GBP3: variants seen among roughly 807,000 people sequenced by gnomAD.
GBP3 encodes the protein guanylate-binding protein 3.
GBP3 carries 55 observed loss-of-function variants against 62.4 expected under a neutral mutation model. That is an observed-to-expected ratio of 0.88 (90% confidence interval 0.71 to 1.10). The LOEUF (loss-of-function observed/expected upper bound fraction) is 1.10, where lower values mean the gene tolerates loss of function less well. Among genes scored for constraint, GBP3 ranks in the 50% least tolerant of loss-of-function variants. The pLI, the probability that GBP3 is intolerant of heterozygous loss-of-function variation, is 0.00. For missense variants in GBP3, 605 were observed against 690.6 expected, an observed-to-expected ratio of 0.88 and a Z score of 1.39; for synonymous variants, 208 against 259.2, an observed-to-expected ratio of 0.80 and a Z score of 1.90.
At chr1:89,016,162 G>C (rs918758648) in intron 2 of GBP3, among the ~76,000 whole-genome samples, 4 of 152,150 alleles carry the variant, frequency 2.6e-5, no homozygotes, top group African/African-American at 7.2e-5. Flanking sequence ...ATCCACAAAG[G>C]AAATTTTGAA....
chr1:89,013,049 G>T, intron 6 of GBP3, 136 bp downstream of exon 6: 1 of 895,602 alleles, frequency 1.1e-6, no homozygotes, highest in South Asian at 1.7e-5. Context: ...TGTGGGCTAG[G>T]TTGGTCTCAA....
rs1357356781 is a variant in GBP3 at position 89,013,388 on chromosome 1, A to G, written c.665T>C (p.Leu222Pro). Reference protein sequence around the residue: ...QKDKNFNLPRLCIRKFFPKKK... With the variant: ...QKDKNFNLPRPCIRKFFPKKK... Reference sequence around the variant, plus strand: ...CTTTGGGAAGAACTTCCGGATACAGAGTCGGGGCAGATTAAAATTTTTATC... The same window carrying G: ...CTTTGGGAAGAACTTCCGGATACAGGGTCGGGGCAGATTAAAATTTTTATC... The change falls in exon 6 of 11, where the codon CTC (leucine) becomes CCC (proline). Residue 222 changes from leucine to proline, a missense_variant. Around this residue, in one of 3 missense-constraint regions of GBP3, gnomAD observed 308 missense variants for 318.0 expected, o/e 0.97. Coordinates refer to ENST00000370481, the MANE Select transcript of GBP3 (RefSeq NM_018284.3). The G allele has an allele frequency of 6.2e-7, 1 of 1,613,016 alleles. No individual in the cohort carries two copies. The highest frequency in any genetic ancestry group is 8.5e-7 in the Non-Finnish European group (1 of 1,179,754).
rs3065858 is a variant in GBP3 at position 89,010,124 on chromosome 1, ATTT to A, written c.1363-633_1363-631del. Among the ~76,000 whole-genome samples the A allele has an allele frequency of 2.9e-3, 420 of 144,512 alleles. 1 individual carries two copies. Among genetic ancestry groups the A allele is most frequent in the African/African-American group, 7.6e-3 (299 of 39,392 alleles). 94.8% of individuals were successfully genotyped at this position (144,512 alleles called of 152,430 possible). On this transcript the variant is annotated intron_variant, in intron 8 of 10. Coordinates refer to ENST00000370481, the MANE Select transcript of GBP3 (RefSeq NM_018284.3). The stretch of plus-strand genomic sequence containing the variant: ...ACTGCACTCTCTAATTAATTAACTA[ATTT>A]TTTTTTTTTTTTTGAGACAGAGTCT...
intron 1 of GBP3, among the ~76,000 whole-genome samples, chr1:89,021,539 CA>C (rs1557734686): frequency 1.1e-4 from 16 of 145,490 alleles, no homozygotes; most frequent in East Asian, 6.0e-4. Flanking sequence ...CACACACACA[CA>C]CACACCCCAA....
In GBP3 at chr1:89,007,023, A is replaced by G. The variant is rs1302491117; in HGVS notation, c.*701T>C. ...ATGTTATACATTACTAAAATTACAC[A>G]GTGCATAATTGTTACCATGTGACTA... On this transcript the variant is annotated 3_prime_UTR_variant, in exon 11 of 11. Coordinates refer to ENST00000370481, the MANE Select transcript of GBP3 (RefSeq NM_018284.3). The G allele has an allele frequency of 6.6e-6, 1 of 152,262 alleles. No homozygotes were observed. Among genetic ancestry groups the G allele is most frequent in the Non-Finnish European group, 1.5e-5 (1 of 68,042 alleles). The allele number at this position is 152,262 out of a possible 1,614,324, so 9.4% of individuals were successfully genotyped here.
chr1:89,022,039 CCT>C (rs1241879439), intron 1 of GBP3, among the ~76,000 whole-genome samples: 3 of 120,706 alleles, frequency 2.5e-5, no homozygotes, highest in Non-Finnish European at 3.7e-5. Context: ...AGGCCACCGC[CCT>C]CTCTCTCTCT....
rs112451296 is a variant in GBP3 at position 89,011,608 on chromosome 1, A to G, written c.1149+139T>C. ...GTAATAAAATTGTTTTTGTCTGATT[A>G]TTATGATTACCAAGAACTAGTTGTC... On this transcript the variant is annotated intron_variant, in intron 7 of 10. Transcript: ENST00000370481. 6.4e-6 allele frequency: 7 copies of G among 1,085,278 alleles called. No individual in the cohort carries two copies. In the African/African-American group the frequency reaches 8.9e-5, roughly 14 times the overall value. The allele number at this position is 1,085,278 out of a possible 1,614,324, so 67.2% of individuals were successfully genotyped here.
At chr1:89,012,332 G>A (rs1338299217) in intron 6 of GBP3, among the ~76,000 whole-genome samples, 1 of 139,050 alleles carries the variant, frequency 7.2e-6, no homozygotes, top group Non-Finnish European at 1.7e-5. Flanking sequence ...AGCACCATCA[G>A]GAAAGGAACC....
At chr1:89,015,167 C>A in intron 3 of GBP3, 120 bp downstream of exon 3, 1 of 1,050,402 alleles carries the variant, frequency 9.5e-7, no homozygotes, top group South Asian at 1.8e-5. Context: ...ATGACATGTA[C>A]ACAGAAATGA....
chr1:89,020,877 T>A, intron 1 of GBP3, 134 bp from the exon 2 acceptor site: 1 of 677,308 alleles, frequency 1.5e-6, no homozygotes, highest in East Asian at 2.7e-5. Context: ...GTGTATCATT[T>A]TAAAAAATTA....
At chr1:89,014,515 C>T in intron 4 of GBP3, 32 bp downstream of exon 4, 2 of 1,614,034 alleles carry the variant, frequency 1.2e-6, no homozygotes, top group Non-Finnish European at 1.7e-6. Context: ...TCCCCTCTGA[C>T]CTTGGTGCTG....
chr1:89,008,832 G>C (rs1389805039), intron 10 of GBP3, 115 bp downstream of exon 10: 1 of 1,533,134 alleles, frequency 6.5e-7, no homozygotes, highest in Non-Finnish European at 8.8e-7. Flanking sequence ...AAGTACAAGT[G>C]AGCAAGCAAA....
At chr1:89,017,935 C>T (rs1678975184) in intron 2 of GBP3, among the ~76,000 whole-genome samples, 1 of 151,934 alleles carries the variant, frequency 6.6e-6, no homozygotes, top group South Asian at 2.1e-4. Context: ...AAAACTGAGC[C>T]ATGCATGGTG....
rs1679323740 is a variant in GBP3, at chr1:89,022,850, C to T, written c.-189G>A. The T allele has an allele frequency of 1.3e-5, 2 of 152,114 alleles. No homozygotes were observed. Among genetic ancestry groups the T allele is most frequent in the South Asian group, 2.1e-4 (1 of 4,828 alleles). The allele number at this position is 152,114 out of a possible 1,614,324, so 9.4% of individuals were successfully genotyped here. A position where few individuals can be genotyped will look rare whatever the true frequency, so the allele number is the denominator to read the frequency against. ...GCAACCTTTGTAATGGCTTCAGAGCCTAATGAAACTGAAAGTACTTCTTTC... is the reference window on the plus strand; with the variant it reads ...GCAACCTTTGTAATGGCTTCAGAGCTTAATGAAACTGAAAGTACTTCTTTC... On this transcript the variant is annotated 5_prime_UTR_variant, in exon 1 of 11. Transcript: ENST00000370481.
chr1:89,007,853 C>G lies in GBP3; in HGVS notation c.1660-1G>C. 1 of 1,608,888 alleles carries G rather than the reference C, an allele frequency of 6.2e-7. No homozygotes were observed. The highest frequency in any genetic ancestry group is 8.5e-7 in the Non-Finnish European group (1 of 1,178,266). On this transcript the variant is annotated splice_acceptor_variant, in intron 10 of 10. Coordinates refer to ENST00000370481, the MANE Select transcript of GBP3 (RefSeq NM_018284.3). LOFTEE classifies it high-confidence loss of function. ...TCTCCTTTAGTACTCGGGCCTGTTCCTAAAAAGGGACAAATGGAGGCTAAA... is the reference window on the plus strand; with the variant it reads ...TCTCCTTTAGTACTCGGGCCTGTTCGTAAAAAGGGACAAATGGAGGCTAAA...
rs531452477 is a variant in GBP3, at chr1:89,020,741, T to C, written c.-20A>G. 3 of 1,608,300 alleles carry C rather than the reference T, an allele frequency of 1.9e-6. No homozygotes were observed. Among genetic ancestry groups the C allele is most frequent in the East Asian group, 4.5e-5 (2 of 44,764 alleles). ...AGCCATGTCCAGGGCATTGTTCTCT[T>C]GTCTGCAAGGGAAGAGTTGGAATGA... is the stretch of plus-strand genomic sequence containing the variant. On this transcript the variant is annotated splice_region_variant and 5_prime_UTR_variant, in exon 2 of 11. Transcript: ENST00000370481.
rs1445574100 is a variant in GBP3 at position 89,021,508 on chromosome 1, GCGCACA to G, written c.-22-771_-22-766del. ...TGCTAAGAAACACGCATGCGCGCGCGCGCACACACACACACACACACACACACACAC... is the reference window on the plus strand; with the variant it reads ...TGCTAAGAAACACGCATGCGCGCGCGCACACACACACACACACACACACAC... On this transcript the variant is annotated intron_variant, in intron 1 of 10. Coordinates refer to ENST00000370481, the MANE Select transcript of GBP3 (RefSeq NM_018284.3). 5.3e-3 allele frequency among the ~76,000 whole-genome samples: 281 copies of G among 53,516 alleles called. 1 individual carries two copies. The highest frequency in any genetic ancestry group is 0.019 in the African/African-American group (263 of 13,688). 35.1% of individuals were successfully genotyped at this position (53,516 alleles called of 152,430 possible). A position where few individuals can be genotyped will look rare whatever the true frequency, so the allele number is the denominator to read the frequency against.
At chr1:89,015,073 G>A (rs2101149458) in intron 3 of GBP3, among the ~76,000 whole-genome samples, 1 of 152,332 alleles carries the variant, frequency 6.6e-6, no homozygotes. Context: ...ATGGTTAGTA[G>A]AATACTGTGT....
chr1:89,008,182 A>G (rs1277851164), intron 10 of GBP3, among the ~76,000 whole-genome samples: 1 of 151,896 alleles, frequency 6.6e-6, no homozygotes, highest in Non-Finnish European at 1.5e-5. Flanking sequence ...AGACTTTTTA[A>G]CACACCTACC....
Sources: allele counts gnomAD v4.1 joint callset (sites outside exome capture counted in the v4.1 genomes callset), GRCh38; gene constraint gnomAD v4.1.1; regional missense constraint gnomAD v4.1.1; transcripts MANE v1.5; gene names NCBI Gene and HGNC (gene_info 2026-07-23, HGNC 2026-07-21).